Variants in ARMH4 observed in about 807,000 individuals in gnomAD.
The protein encoded by ARMH4 is armadillo like helical domain containing 4.
ARMH4 carries 49 observed loss-of-function variants against 61.9 expected under a neutral mutation model. The observed-to-expected ratio is 0.79, with a 90% CI of 0.63 to 1.00. The LOEUF is 1.00. Ranked by LOEUF, ARMH4 falls within the 50% of genes least tolerant of loss-of-function variation. ARMH4 has a pLI of 0.00. For synonymous variants in ARMH4, 368 were observed against 341.5 expected (o/e 1.08, Z -0.85); for missense variants, 934 against 930.0 (o/e 1.00, Z -0.06).
chr14:58,143,288 T>C (rs941375278), intron 1 of ARMH4, among the ~76,000 whole-genome samples: 1 of 152,100 alleles, frequency 6.6e-6, no homozygotes, highest in Non-Finnish European at 1.5e-5. Flanking sequence ...CTATCAGGGA[T>C]TACAAATTTA....
chr14:58,151,522 T>G (rs1318004813), intron 1 of ARMH4, among the ~76,000 whole-genome samples: 3 of 152,034 alleles, frequency 2.0e-5, no homozygotes, highest in African/African-American at 7.2e-5. Context: ...GCTCGACATC[T>G]CTGCGCTAAA....
intron 5 of ARMH4, among the ~76,000 whole-genome samples, 192 bp downstream of exon 5, chr14:58,096,532 A>G (rs555695227): frequency 3.7e-4 from 56 of 152,304 alleles, no homozygotes; most frequent in Non-Finnish European, 6.8e-4. Context: ...GATCATTTTT[A>G]ATTTTTAATT....
chr14:58,024,126 C>T (rs1882942942), intron 5 of ARMH4, among the ~76,000 whole-genome samples: 1 of 152,174 alleles, frequency 6.6e-6, no homozygotes, highest in South Asian at 2.1e-4. Flanking sequence ...GAGAGTCAGC[C>T]TGTCTTTTGA....
chr14:58,076,428 G>A (rs1158915471), intron 5 of ARMH4, among the ~76,000 whole-genome samples: 1 of 152,178 alleles, frequency 6.6e-6, no homozygotes, highest in Non-Finnish European at 1.5e-5. Flanking sequence ...AAAGGACTAA[G>A]TGCATTTTCA....
In ARMH4 at chr14:58,001,886, G is replaced by A. The variant is rs1399422965; in HGVS notation, c.*2850C>T. 1 of 152,034 alleles carries A rather than the reference G, an allele frequency of 6.6e-6. No homozygotes were observed. The highest frequency in any genetic ancestry group is 1.9e-4 in the East Asian group (1 of 5,168). 9.4% of individuals were successfully genotyped at this position (152,034 alleles called of 1,614,324 possible). On this transcript the variant is annotated 3_prime_UTR_variant, in exon 8 of 8. Transcript: ENST00000267485. ...GTTCCTGCCCCTGCGGTGGGATGCT[G>A]GCAGTTCTGGCTGGGTAAACTCAGT...
intron 5 of ARMH4, among the ~76,000 whole-genome samples, chr14:58,027,584 T>A (rs1270359733): frequency 2.6e-5 from 4 of 152,186 alleles, no homozygotes; most frequent in Admixed American, 6.5e-5. Context: ...TAGGTAAACA[T>A]GATCACCACA....
In ARMH4 at chr14:58,143,739, C is replaced by T. The variant is rs186343992; in HGVS notation, c.-56-4325G>A. 2.0e-5 allele frequency among the ~76,000 whole-genome samples: 3 copies of T among 148,592 alleles called. 1 individual carries two copies. The highest frequency in any genetic ancestry group is 3.9e-4 in the East Asian group (2 of 5,090). On this transcript the variant is annotated intron_variant, in intron 1 of 7. Coordinates refer to ENST00000267485, the MANE Select transcript of ARMH4 (RefSeq NM_001001872.4). ...TCAACCTCCCAGAGTGCTAGGATTA[C>T]AGGCATGAGCCACCGTGCCCATCCT...
In ARMH4 at chr14:58,101,827, G is replaced by A. The variant is rs575043881; in HGVS notation, c.1832-4846C>T. On this transcript the variant is annotated intron_variant, in intron 4 of 7. Transcript: ENST00000267485. ...GGGAGAGGGTGTGGAGAGGAGGGCA[G>A]GTGATGAAACTGTTTTAAAATACGT... 2.1e-4 allele frequency among the ~76,000 whole-genome samples: 32 copies of A among 152,212 alleles called. No individual in the cohort carries two copies. The South Asian group carries it at 6.6e-3, about 32-fold the overall frequency.
intron 5 of ARMH4, among the ~76,000 whole-genome samples, chr14:58,072,650 A>T (rs879522773): frequency 1.3e-5 from 2 of 151,694 alleles, no homozygotes; most frequent in Non-Finnish European, 2.9e-5. Flanking sequence ...TGAACCCAGG[A>T]GGCGGAGGTT....
chr14:58,148,825 T>C (rs1338758110), intron 1 of ARMH4, among the ~76,000 whole-genome samples: 1 of 150,576 alleles, frequency 6.6e-6, no homozygotes, highest in East Asian at 1.9e-4. Context: ...TTCTGCTATA[T>C]TTTAAGGTTT....
At chr14:58,033,022 G>A (rs12888960) in intron 5 of ARMH4, among the ~76,000 whole-genome samples, 36,254 of 90,900 alleles carry the variant, frequency 0.4, 8,217 homozygotes, top group African/African-American at 0.63. Context: ...CAAAGCAGCC[G>A]GGAACCTCGA....
At chr14:58,050,752 G>T (rs934529891) in intron 5 of ARMH4, among the ~76,000 whole-genome samples, 4 of 151,642 alleles carry the variant, frequency 2.6e-5, no homozygotes, top group African/African-American at 9.7e-5. Context: ...TATATGCATT[G>T]TTGTGCAGCA....
intron 5 of ARMH4, among the ~76,000 whole-genome samples, chr14:58,057,416 T>C (rs548615432): frequency 1.3e-5 from 2 of 152,302 alleles, no homozygotes; most frequent in African/African-American, 4.8e-5. Context: ...TGTCTTCAAT[T>C]TACAGATGAG....
At chr14:58,146,903 G>A (rs1219292486) in intron 1 of ARMH4, among the ~76,000 whole-genome samples, 8 of 152,114 alleles carry the variant, frequency 5.3e-5, no homozygotes, top group Non-Finnish European at 1.0e-4. Context: ...TAATATTAAG[G>A]CACAATGAGC....
chr14:58,051,741 T>C lies in ARMH4; in HGVS notation c.2090-39591A>G, dbSNP rs77693205. On this transcript the variant is annotated intron_variant, in intron 5 of 7. Coordinates refer to ENST00000267485, the MANE Select transcript of ARMH4 (RefSeq NM_001001872.4). ...TATTTCTTCAAATTGAACGGTCTTA[T>C]ATGAACTCTCTCCTTGACTTCTGGA... is the stretch of plus-strand genomic sequence containing the variant. Among the ~76,000 whole-genome samples the C allele has an allele frequency of 7.3e-3, 1,110 of 152,266 alleles. 20 individuals are homozygous for C. The highest frequency in any genetic ancestry group is 0.061 in the East Asian group (315 of 5,144).
At chr14:58,094,589 A>C (rs1315817389) in intron 5 of ARMH4, among the ~76,000 whole-genome samples, 1 of 152,196 alleles carries the variant, frequency 6.6e-6, no homozygotes, top group Non-Finnish European at 1.5e-5. Context: ...ATGTGTGTAC[A>C]TGTGTGTATG....
At chr14:58,095,954 A>C (rs1241507905) in intron 5 of ARMH4, among the ~76,000 whole-genome samples, 1 of 152,200 alleles carries the variant, frequency 6.6e-6, no homozygotes, top group African/African-American at 2.4e-5. Context: ...TCAAGGGAAT[A>C]GGGCCTCAAG....
chr14:58,045,258 T>G lies in ARMH4; in HGVS notation c.2090-33108A>C, dbSNP rs1883891556. Among the ~76,000 whole-genome samples, 3 of 152,172 alleles carry G rather than the reference T, an allele frequency of 2.0e-5. No individual in the cohort carries two copies. The South Asian group carries it at 6.2e-4, about 32-fold the overall frequency. On this transcript the variant is annotated intron_variant, in intron 5 of 7. Transcript: ENST00000267485. ...CTGGATTAAGACAATGTGGCACATATACACCATGGAATACTATGCAGCCAT... is the reference window on the plus strand; with the variant it reads ...CTGGATTAAGACAATGTGGCACATAGACACCATGGAATACTATGCAGCCAT...
At position 58,078,462 on chromosome 14, in the gene ARMH4, G is replaced by A. The variant is rs376118446; in HGVS notation, c.2089+18262C>T. 6.6e-5 allele frequency among the ~76,000 whole-genome samples: 10 copies of A among 152,236 alleles called. No homozygotes were observed. The East Asian group carries it at 1.4e-3, about 21-fold the overall frequency. On this transcript the variant is annotated intron_variant, in intron 5 of 7. Transcript: ENST00000267485. ...TGTTATAGCACCTCTGCTTCATTGGGATAAAGAGGCCCTTCTGTAGCAGTC... is the reference window on the plus strand; with the variant it reads ...TGTTATAGCACCTCTGCTTCATTGGAATAAAGAGGCCCTTCTGTAGCAGTC...
Sources: gnomAD v4.1 joint callset for allele counts (sites outside exome capture counted in the v4.1 genomes callset) on GRCh38, gnomAD v4.1.1 for gene constraint, MANE v1.5 for transcripts, NCBI Gene and HGNC (gene_info 2026-07-23, HGNC 2026-07-21) for gene names.